Variants in SAP30 observed in about 807,000 individuals in gnomAD.
SAP30 encodes the protein Sin3A associated protein 30.
SAP30 carries 13 observed loss-of-function variants against 19.6 expected under a neutral mutation model. The ratio of observed to expected loss-of-function variants is 0.66; its 90% CI spans 0.43 to 1.05. SAP30 has a LOEUF of 1.05. Among genes scored for constraint, SAP30 ranks in the 50% least tolerant of loss-of-function variants. The pLI is 0.00. For synonymous variants in SAP30, 108 were observed against 122.7 expected, an observed-to-expected ratio of 0.88 and a Z score of 0.79; for missense variants, 257 against 292.1, an observed-to-expected ratio of 0.88 and a Z score of 0.88.
chr4:173,371,995 T>C lies in SAP30; in HGVS notation c.315+498T>C, dbSNP rs910720376. On this transcript the variant is annotated intron_variant, in intron 1 of 3. Transcript: ENST00000296504. This position sits in a 1 kb window ranked among gnomAD's most constrained non-coding sequence, Gnocchi z 6.4. Reference sequence around the variant, plus strand: ...CTGTTCTTTTCTGTGTTCCGTCTCCTCCGGAGCGGAGTGAGAGGGAAGCCG... The same window carrying C: ...CTGTTCTTTTCTGTGTTCCGTCTCCCCCGGAGCGGAGTGAGAGGGAAGCCG... 6.6e-6 allele frequency among the ~76,000 whole-genome samples: 1 copy of C among 152,210 alleles called. No homozygotes were observed. The highest frequency in any genetic ancestry group is 2.4e-5 in the African/African-American group (1 of 41,456).
chr4:173,374,081 G>T, intron 3 of SAP30, 44 bp downstream of exon 3: 1 of 1,079,286 alleles, frequency 9.3e-7, no homozygotes, highest in Non-Finnish European at 1.4e-6. Flanking sequence ...GCACAACCGA[G>T]AGGTTATTAA....
In SAP30 at chr4:173,371,209, G is replaced by A; in HGVS notation, c.27G>A (p.Met9Ile). ...TGAACGGCTTCACGCCTGACGAGATGAGCCGCGGCGGGGATGCGGCCGCCG... is the reference window on the plus strand; with the variant it reads ...TGAACGGCTTCACGCCTGACGAGATAAGCCGCGGCGGGGATGCGGCCGCCG... MNGFTPDE[M>I]SRGGDAAAAV... The change falls in exon 1 of 4, where the codon ATG becomes ATA. Residue 9 changes from methionine (M) to isoleucine (I), a missense_variant. Met to Ile is a conservative substitution (Grantham distance 10, BLOSUM62 1). Coordinates refer to ENST00000296504, the MANE Select transcript of SAP30 (RefSeq NM_003864.4). This position sits in a 1 kb window ranked among gnomAD's most constrained non-coding sequence, Gnocchi z 6.4. 1 of 1,481,238 alleles carries A rather than the reference G, an allele frequency of 6.8e-7. No homozygotes were observed. 91.8% of individuals were successfully genotyped at this position (1,481,238 alleles called of 1,614,324 possible).
chr4:173,374,564 A>C (rs1384421899), intron 3 of SAP30, among the ~76,000 whole-genome samples: 2 of 152,174 alleles, frequency 1.3e-5, no homozygotes, highest in African/African-American at 2.4e-5. Context: ...TACCAGTGTG[A>C]GCCACCGTGC....
At position 173,371,611 on chromosome 4, in the gene SAP30, C is replaced by A; in HGVS notation, c.315+114C>A. On this transcript the variant is annotated intron_variant, in intron 1 of 3. Coordinates refer to ENST00000296504, the MANE Select transcript of SAP30 (RefSeq NM_003864.4). The surrounding 1 kb of genome is among the most constrained non-coding windows in gnomAD (Gnocchi z 6.4). ...CCAGACAACCGCACTGGCTGCAGTG[C>A]GGTCTCGTGGAGTCTGTGTTTGGAA... 6.8e-7 allele frequency: 1 copy of A among 1,467,550 alleles called. No individual in the cohort carries two copies. 90.9% of individuals were successfully genotyped at this position (1,467,550 alleles called of 1,614,324 possible). A position where few individuals can be genotyped will look rare whatever the true frequency, so the allele number is the denominator to read the frequency against.
chr4:173,376,879 C>T (rs979470078), intron 3 of SAP30, among the ~76,000 whole-genome samples: 1 of 152,050 alleles, frequency 6.6e-6, no homozygotes, highest in African/African-American at 2.4e-5. Context: ...ACCTCTGCCT[C>T]CCAAAGTGCT....
At chr4:173,373,742 C>T (rs990351776) in intron 2 of SAP30, among the ~76,000 whole-genome samples, 197 bp from the exon 3 acceptor site, 3 of 151,848 alleles carry the variant, frequency 2.0e-5, no homozygotes, top group African/African-American at 7.3e-5. Context: ...CTTTTTTTGA[C>T]CTCAGTTTAT....
rs1209248078 is a variant in SAP30 at position 173,371,726 on chromosome 4, C to T, written c.315+229C>T. On this transcript the variant is annotated intron_variant, in intron 1 of 3. Transcript: ENST00000296504. The surrounding 1 kb of genome is among the most constrained non-coding windows in gnomAD (Gnocchi z 6.4). ...GTTCCCCTCTTCTTTCCCACCCTGGCCCCCAACCTCCCGCTGCCTGCGTCT... is the reference window on the plus strand; with the variant it reads ...GTTCCCCTCTTCTTTCCCACCCTGGTCCCCAACCTCCCGCTGCCTGCGTCT... 1.3e-5 allele frequency among the ~76,000 whole-genome samples: 2 copies of T among 152,120 alleles called. No homozygotes were observed. Among genetic ancestry groups the T allele is most frequent in the African/African-American group, 4.8e-5 (2 of 41,434 alleles).
chr4:173,373,901 A>G (rs1236091669), intron 2 of SAP30, 38 bp from the exon 3 acceptor site: 1 of 1,004,338 alleles, frequency 1.0e-6, no homozygotes, highest in East Asian at 2.7e-5. Flanking sequence ...TTTTCAACAA[A>G]TTGTATGAAC....
At chr4:173,372,873 A>T (rs952534122) in intron 1 of SAP30, among the ~76,000 whole-genome samples, 1 of 152,146 alleles carries the variant, frequency 6.6e-6, no homozygotes, top group African/African-American at 2.4e-5. Context: ...ACCTCCAACC[A>T]CCAGGTTCAA....
Position 173,370,956 on chromosome 4 carries a change from T to C in SAP30, c.-227T>C. 1 of 263,234 alleles carries C rather than the reference T, an allele frequency of 3.8e-6. No homozygotes were observed. The highest frequency in any genetic ancestry group is 7.0e-6 in the Non-Finnish European group (1 of 143,840). 16.3% of individuals were successfully genotyped at this position (263,234 alleles called of 1,614,324 possible). A position where few individuals can be genotyped will look rare whatever the true frequency, so the allele number is the denominator to read the frequency against. On this transcript the variant is annotated 5_prime_UTR_variant, in exon 1 of 4. Transcript: ENST00000296504. ...AACTGCTGAAGTCCCCATGTGACAG[T>C]GAGCGGGGTCCCCGCTCCAGGAGAC...
Position 173,371,587 on chromosome 4 carries a change from C to A in SAP30, c.315+90C>A. On this transcript the variant is annotated intron_variant, in intron 1 of 3. Transcript: ENST00000296504. This position sits in a 1 kb window ranked among gnomAD's most constrained non-coding sequence, Gnocchi z 6.4. ...GGCACGGGTTGTCGGCGGGGTCCCC[C>A]AGACAACCGCACTGGCTGCAGTGCG... 6.6e-7 allele frequency: 1 copy of A among 1,506,760 alleles called. No individual in the cohort carries two copies. Among genetic ancestry groups the A allele is most frequent in the Non-Finnish European group, 8.9e-7 (1 of 1,126,246 alleles). The allele number at this position is 1,506,760 out of a possible 1,614,324, so 93.3% of individuals were successfully genotyped here.
At chr4:173,376,530 A>T (rs1739043620) in intron 3 of SAP30, among the ~76,000 whole-genome samples, 1 of 152,342 alleles carries the variant, frequency 6.6e-6, no homozygotes, top group South Asian at 2.1e-4. Flanking sequence ...GTGATCTCTT[A>T]CGTCTGTTTT....
Position 173,371,129 on chromosome 4 carries a change from A to C in SAP30, c.-54A>C. 7.1e-7 allele frequency: 1 copy of C among 1,405,228 alleles called. No individual in the cohort carries two copies. The highest frequency in any genetic ancestry group is 9.3e-7 in the Non-Finnish European group (1 of 1,077,880). The allele number at this position is 1,405,228 out of a possible 1,614,324, so 87.0% of individuals were successfully genotyped here. ...CCGCTGCCGGAGCGGAGAGAGGCGG[A>C]GCGGCCAGGAGAGAGGGGATTTCTG... On this transcript the variant is annotated 5_prime_UTR_variant, in exon 1 of 4. Coordinates refer to ENST00000296504, the MANE Select transcript of SAP30 (RefSeq NM_003864.4). This position sits in a 1 kb window ranked among gnomAD's most constrained non-coding sequence, Gnocchi z 6.4.
intron 1 of SAP30, 36 bp from the exon 2 acceptor site, chr4:173,373,354 T>TA: frequency 6.4e-7 from 1 of 1,558,296 alleles, no homozygotes. Flanking sequence ...CATTTTACTG[T>TA]AATCATAAGC....
Position 173,371,038 on chromosome 4 carries a change from C to T in SAP30, c.-145C>T, listed in dbSNP as rs529960229. 1.1e-6 allele frequency: 1 copy of T among 931,624 alleles called. No homozygotes were observed. Among genetic ancestry groups the T allele is most frequent in the Non-Finnish European group, 1.4e-6 (1 of 694,680 alleles). 57.7% of individuals were successfully genotyped at this position (931,624 alleles called of 1,614,324 possible). On this transcript the variant is annotated 5_prime_UTR_variant, in exon 1 of 4. Coordinates refer to ENST00000296504, the MANE Select transcript of SAP30 (RefSeq NM_003864.4). The surrounding 1 kb of genome is among the most constrained non-coding windows in gnomAD (Gnocchi z 6.4). ...TCCACTGTTTCGGTGCCAGCAGAGA[C>T]CAGCAGGCCCGGGACAGTTGGTGTT...
chr4:173,373,073 C>T (rs1017064112), intron 1 of SAP30, among the ~76,000 whole-genome samples: 5 of 152,130 alleles, frequency 3.3e-5, no homozygotes, highest in East Asian at 3.9e-4. Flanking sequence ...CGTGAACCAC[C>T]GCGCCCAGCC....
At position 173,371,150 on chromosome 4, in the gene SAP30, T is replaced by G; in HGVS notation, c.-33T>G. 1.4e-6 allele frequency: 2 copies of G among 1,454,840 alleles called. No individual in the cohort carries two copies. Among genetic ancestry groups the G allele is most frequent in the Non-Finnish European group, 9.1e-7 (1 of 1,104,970 alleles). 90.1% of individuals were successfully genotyped at this position (1,454,840 alleles called of 1,614,324 possible). A position where few individuals can be genotyped will look rare whatever the true frequency, so the allele number is the denominator to read the frequency against. On this transcript the variant is annotated 5_prime_UTR_variant, in exon 1 of 4. In the 5' UTR this introduces an upstream ATG that the reference lacks. Transcript: ENST00000296504. The surrounding 1 kb of genome is among the most constrained non-coding windows in gnomAD (Gnocchi z 6.4). The stretch of plus-strand genomic sequence containing the variant: ...GCGGAGCGGCCAGGAGAGAGGGGAT[T>G]TCTGTCAGCGCCGGCCTCGGGAGCT...
chr4:173,371,393 G>T lies in SAP30; in HGVS notation c.211G>T (p.Glu71Ter). ...CCCCGGGCAACTGTGCTGCCTGCGG[G>T]AGGATGGTGAGCGGTGCGGCCGGGC... ...PGPGQLCCLREDGERCGRAAG... is the reference protein window; with the variant it reads ...PGPGQLCCLR Residue 71 changes from glutamate to a stop codon, truncating the protein, a stop_gained, in exon 1 of 4, where the codon GAG (glutamate) becomes TAG (stop). Coordinates refer to ENST00000296504, the MANE Select transcript of SAP30 (RefSeq NM_003864.4). LOFTEE classifies it high-confidence loss of function. This position sits in a 1 kb window ranked among gnomAD's most constrained non-coding sequence, Gnocchi z 6.4. 1 of 1,583,418 alleles carries T rather than the reference G, an allele frequency of 6.3e-7. No homozygotes were observed. Among genetic ancestry groups the T allele is most frequent in the Non-Finnish European group, 8.5e-7 (1 of 1,172,022 alleles).
At chr4:173,373,913 C>T (rs549185239) in intron 2 of SAP30, 26 bp from the exon 3 acceptor site, 3 of 1,141,380 alleles carry the variant, frequency 2.6e-6, no homozygotes, top group East Asian at 2.5e-5. Context: ...TGTATGAACT[C>T]ATTTATACAT....
Sources: gnomAD v4.1 joint callset for allele counts (sites outside exome capture counted in the v4.1 genomes callset) on GRCh38, gnomAD v4.1.1 for gene constraint, Gnocchi (gnomAD v3.1) non-coding constraint, MANE v1.5 for transcripts, NCBI Gene and HGNC (gene_info 2026-07-23, HGNC 2026-07-21) for gene names.